GABRE: variants seen among roughly 807,000 people sequenced by gnomAD.
GABRE encodes gamma-aminobutyric acid type A receptor subunit epsilon, also known as gamma-aminobutyric acid receptor subunit epsilon.
Under a neutral mutation model 31.0 loss-of-function variants are expected in GABRE, and 20 were observed. The ratio of observed to expected loss-of-function variants is 0.64; its 90% CI spans 0.45 to 0.94. The LOEUF (loss-of-function observed/expected upper bound fraction) is 0.94, where lower values mean the gene tolerates loss of function less well. GABRE is among the 40% of genes least tolerant of loss of function. The pLI, the probability that GABRE is intolerant of heterozygous loss-of-function variation, is 0.00. For missense variants in GABRE, 420 were observed against 410.7 expected, an observed-to-expected ratio of 1.02 and a Z score of -0.20; for synonymous variants, 155 against 150.6, an observed-to-expected ratio of 1.03 and a Z score of -0.21.
intron 3 of GABRE, among the ~76,000 whole-genome samples, chrX:151,967,732 C>G (rs1934566480): frequency 8.9e-6 from 1 of 112,412 alleles, no homozygotes; most frequent in Admixed American, 9.4e-5. Context: ...AAAACCCCAC[C>G]AATTTTAAAA....
At chrX:151,972,064 G>C in intron 1 of GABRE, 1 of 753,430 alleles carries the variant, frequency 1.3e-6, no homozygotes, top group Non-Finnish European at 1.6e-6. Flanking sequence ...AAGCCATAAG[G>C]CAATTTGTTT....
intron 1 of GABRE, among the ~76,000 whole-genome samples, chrX:151,974,353 C>T (rs1281521879): frequency 8.9e-6 from 1 of 111,745 alleles, no homozygotes; most frequent in Middle Eastern, 4.4e-3. Context: ...TTTGGAGCTC[C>T]CCCTCAAGGA....
intron 1 of GABRE, among the ~76,000 whole-genome samples, chrX:151,973,572 G>T (rs1026531921): frequency 7.2e-5 from 8 of 111,165 alleles, no homozygotes; most frequent in African/African-American, 2.6e-4. Context: ...CAAGACACAA[G>T]CCCAGTGCCA....
intron 1 of GABRE, among the ~76,000 whole-genome samples, chrX:151,973,394 C>T (rs1490988281): frequency 9.0e-6 from 1 of 111,466 alleles, no homozygotes; most frequent in Non-Finnish European, 1.9e-5. Flanking sequence ...ATGTGGATGA[C>T]TGGAAATTGC....
chrX:151,961,851 C>G (rs1157041937), intron 4 of GABRE, among the ~76,000 whole-genome samples: 2 of 105,343 alleles, frequency 1.9e-5, no homozygotes, highest in Admixed American at 2.0e-4. Context: ...ACAAAACAAA[C>G]AAACAGCTTA....
At position 151,970,166 on chromosome X, in the gene GABRE, A is replaced by G. The variant is rs1249347152; in HGVS notation, c.274+19T>C. 1 of 1,210,325 alleles carries G rather than the reference A, an allele frequency of 8.3e-7. No individual in the cohort carries two copies. The highest frequency in any genetic ancestry group is 1.8e-5 in the South Asian group (1 of 56,771). On this transcript the variant is annotated intron_variant, in intron 2 of 8. Transcript: ENST00000370328. Reference sequence around the variant, plus strand: ...CCCTGGACCCTCTAGGAGGGGAAGAACGTCGTTCTGCTCCTCACCTCCAAT... The same window carrying G: ...CCCTGGACCCTCTAGGAGGGGAAGAGCGTCGTTCTGCTCCTCACCTCCAAT...
In GABRE at chrX:151,970,272, T is replaced by G. The variant is rs140879781; in HGVS notation, c.187A>C (p.Ser63Arg). 425 of 1,210,735 alleles carry G rather than the reference T, an allele frequency of 3.5e-4. No individual in the cohort carries two copies. In the African/African-American group the frequency reaches 6.3e-3, roughly 18 times the overall value. Residue 63 changes from serine (S) to arginine (R), a missense_variant, in exon 2 of 9, where the codon AGC becomes CGC. Coordinates refer to ENST00000370328, the MANE Select transcript of GABRE (RefSeq NM_004961.4). ...ETKSTETETGSRVGKLPEASR... is the reference protein window; with the variant it reads ...ETKSTETETGRRVGKLPEASR... ...GCTTCTGGCAGTTTGCCAACTCTGCTCCCAGTCTCAGTCTCAGTTGACTTT... is the reference window on the plus strand; with the variant it reads ...GCTTCTGGCAGTTTGCCAACTCTGCGCCCAGTCTCAGTCTCAGTTGACTTT...
In GABRE at chrX:151,954,088, C is replaced by G. The variant is rs370062218; in HGVS notation, c.*613G>C. ...CCAAATAGGCTCTCTTGCTGCCCCC[C>G]CCTCTTCCTAAAGGGATAATGCCAG... On this transcript the variant is annotated 3_prime_UTR_variant, in exon 9 of 9. Transcript: ENST00000370328. 2 of 111,597 alleles carry G rather than the reference C, an allele frequency of 1.8e-5. No individual in the cohort carries two copies. Among genetic ancestry groups the G allele is most frequent in the Non-Finnish European group, 3.8e-5 (2 of 53,119 alleles). The allele number at this position is 111,597 out of a possible 1,213,427, so 9.2% of individuals were successfully genotyped here. A position where few individuals can be genotyped will look rare whatever the true frequency, so the allele number is the denominator to read the frequency against.
intron 3 of GABRE, among the ~76,000 whole-genome samples, chrX:151,968,416 C>G (rs1319668618): frequency 8.9e-6 from 1 of 112,456 alleles, no homozygotes; most frequent in Admixed American, 9.4e-5. Flanking sequence ...GGTAGTGTGC[C>G]TGAAGAATCA....
At chrX:151,966,607 G>C (rs1201442625) in intron 3 of GABRE, among the ~76,000 whole-genome samples, 1 of 111,971 alleles carries the variant, frequency 8.9e-6, no homozygotes, top group Non-Finnish European at 1.9e-5. Flanking sequence ...GAATGTACTG[G>C]GTACTGGTAT....
At position 151,961,457 on chromosome X, in the gene GABRE, A is replaced by G. The variant is rs1934368979; in HGVS notation, c.564-92T>C. 5.2e-6 allele frequency: 3 copies of G among 572,015 alleles called. No individual in the cohort carries two copies. The Admixed American group carries it at 8.7e-5, about 17-fold the overall frequency. 47.1% of individuals were successfully genotyped at this position (572,015 alleles called of 1,213,427 possible). A position where few individuals can be genotyped will look rare whatever the true frequency, so the allele number is the denominator to read the frequency against. ...TAGGGACTACCACCAATGAATGGCC[A>G]GAGTCAATTTTTTTCTTTGTTTGTT... On this transcript the variant is annotated intron_variant, in intron 4 of 8. Transcript: ENST00000370328.
intron 6 of GABRE, chrX:151,956,328 G>C (rs779671349): frequency 8.1e-6 from 1 of 122,783 alleles, no homozygotes; most frequent in South Asian, 3.0e-4. Flanking sequence ...GAGAAGCACA[G>C]AATGCTTTTG....
At chrX:151,963,667 T>C (rs953390341) in intron 3 of GABRE, among the ~76,000 whole-genome samples, 8 of 112,481 alleles carry the variant, frequency 7.1e-5, no homozygotes, top group African/African-American at 9.7e-5. Flanking sequence ...ACTGGATTAA[T>C]GCAGCTGAAT....
Position 151,954,536 on chromosome X carries a change from A to G in GABRE, c.*165T>C, listed in dbSNP as rs184207273. 9.2e-4 allele frequency: 400 copies of G among 434,746 alleles called. 1 individual carries two copies. The highest frequency in any genetic ancestry group is 8.8e-3 in the African/African-American group (352 of 39,793). The allele number at this position is 434,746 out of a possible 1,213,427, so 35.8% of individuals were successfully genotyped here. A position where few individuals can be genotyped will look rare whatever the true frequency, so the allele number is the denominator to read the frequency against. On this transcript the variant is annotated 3_prime_UTR_variant, in exon 9 of 9. Transcript: ENST00000370328. ...TCAGTGAATGGGCCAGGTAGGGGAGAGGGGCAGCAAAGACAAACCCTCTGC... is the reference window on the plus strand; with the variant it reads ...TCAGTGAATGGGCCAGGTAGGGGAGGGGGGCAGCAAAGACAAACCCTCTGC...
At chrX:151,969,981 T>C (rs372415572) in intron 2 of GABRE, 2 of 1,078,166 alleles carry the variant, frequency 1.9e-6, no homozygotes. Context: ...CTGGAAAAAC[T>C]GAGGGCGAGA....
Position 151,953,781 on chromosome X carries a change from C to T in GABRE, c.*920G>A, listed in dbSNP as rs1934033780. ...GGGCACCAATCAATGGCGAGTAATG[C>T]CTGTTGCAAAGCCGAGTTTCCTTAG... is the stretch of plus-strand genomic sequence containing the variant. On this transcript the variant is annotated 3_prime_UTR_variant, in exon 9 of 9. Coordinates refer to ENST00000370328, the MANE Select transcript of GABRE (RefSeq NM_004961.4). The T allele has an allele frequency of 9.0e-6, 1 of 111,581 alleles. No homozygotes were observed. The highest frequency in any genetic ancestry group is 3.3e-5 in the African/African-American group (1 of 30,600). 9.2% of individuals were successfully genotyped at this position (111,581 alleles called of 1,213,427 possible).
chrX:151,966,397 G>A (rs776245059), intron 3 of GABRE, among the ~76,000 whole-genome samples: 6 of 111,936 alleles, frequency 5.4e-5, no homozygotes, highest in Non-Finnish European at 1.1e-4. Flanking sequence ...TTTCCTTCCC[G>A]GAGGACAAGG....
chrX:151,972,984 T>C (rs1934759865), intron 1 of GABRE, among the ~76,000 whole-genome samples: 1 of 110,157 alleles, frequency 9.1e-6, no homozygotes, highest in Non-Finnish European at 1.9e-5. Flanking sequence ...CAGTCGACTG[T>C]TGGTGGTGTG....
intron 1 of GABRE, chrX:151,972,769 C>T: frequency 4.0e-6 from 2 of 499,585 alleles, no homozygotes; most frequent in Non-Finnish European, 4.9e-6. Context: ...ATCTTGAGGT[C>T]CTTGGGGTTA....
Sources: gnomAD v4.1 joint callset for allele counts (sites outside exome capture counted in the v4.1 genomes callset) on GRCh38, gnomAD v4.1.1 for gene constraint, MANE v1.5 for transcripts, NCBI Gene and HGNC (gene_info 2026-07-23, HGNC 2026-07-21) for gene names.